Variants in SUSD6 observed in about 807,000 individuals in gnomAD.
SUSD6 encodes the protein sushi domain containing 6, also known as sushi domain-containing protein 6.
A neutral mutation model predicts 28.4 loss-of-function variants in SUSD6; 16 were observed. The ratio of observed to expected loss-of-function variants is 0.56; its 90% CI spans 0.38 to 0.86. SUSD6 has a LOEUF of 0.86. Among genes scored for constraint, SUSD6 ranks in the 40% least tolerant of loss-of-function variants. SUSD6 has a pLI of 0.00. For synonymous variants in SUSD6, 147 were observed against 159.6 expected, an observed-to-expected ratio of 0.92 and a Z score of 0.59; for missense variants, 341 against 384.2, an observed-to-expected ratio of 0.89 and a Z score of 0.94.
chr14:69,612,334 G>C (rs1473232253), intron 1 of SUSD6, among the ~76,000 whole-genome samples: 1 of 152,146 alleles, frequency 6.6e-6, no homozygotes, highest in Non-Finnish European at 1.5e-5. Context: ...TGTGCGCACC[G>C]CGGCATTCGG....
rs899185125 is a variant in SUSD6, at chr14:69,711,083, C to A, written c.*104C>A. 5 of 1,138,844 alleles carry A rather than the reference C, an allele frequency of 4.4e-6. No individual in the cohort carries two copies. The Admixed American group carries it at 8.6e-5, about 20-fold the overall frequency. The allele number at this position is 1,138,844 out of a possible 1,614,324, so 70.5% of individuals were successfully genotyped here. ...CTCTCCAGCCACCTTACCTGGATAC[C>A]TGAGCTGCCACCTGTGTATCTGTGT... On this transcript the variant is annotated 3_prime_UTR_variant, in exon 6 of 6. Coordinates refer to ENST00000342745, the MANE Select transcript of SUSD6 (RefSeq NM_014734.4).
intron 1 of SUSD6, among the ~76,000 whole-genome samples, chr14:69,646,700 C>CATT: frequency 9.2e-6 from 1 of 109,208 alleles, no homozygotes; most frequent in Non-Finnish European, 1.7e-5. Context: ...TTTTTTCCAT[C>CATT]TTTTTTTTTT....
chr14:69,627,831 G>T (rs1885137327), intron 1 of SUSD6, among the ~76,000 whole-genome samples: 2 of 152,118 alleles, frequency 1.3e-5, no homozygotes, highest in African/African-American at 4.8e-5. Flanking sequence ...CTTTTTACAT[G>T]TAAATGTGGG....
At chr14:69,691,821 C>G (rs1004187561) in intron 2 of SUSD6, among the ~76,000 whole-genome samples, 8 of 152,196 alleles carry the variant, frequency 5.3e-5, no homozygotes, top group African/African-American at 1.9e-4. Flanking sequence ...GGGTGGATTA[C>G]CTGAGGTCAG....
intron 2 of SUSD6, among the ~76,000 whole-genome samples, chr14:69,667,721 G>T (rs1483480018): frequency 6.6e-6 from 1 of 152,020 alleles, no homozygotes; most frequent in African/African-American, 2.4e-5. Flanking sequence ...GAAGTTAGCT[G>T]GAGCCCTTCA....
intron 4 of SUSD6, among the ~76,000 whole-genome samples, chr14:69,705,835 G>A (rs572859257): frequency 6.6e-6 from 1 of 152,368 alleles, no homozygotes; most frequent in South Asian, 2.1e-4. Flanking sequence ...GAAGGGCAGA[G>A]CTGATGGTGC....
intron 5 of SUSD6, among the ~76,000 whole-genome samples, chr14:69,709,561 A>G (rs982204494): frequency 6.6e-5 from 10 of 152,198 alleles, no homozygotes; most frequent in African/African-American, 2.4e-4. Flanking sequence ...TTCTTGCACT[A>G]TCTCAGTTAA....
At chr14:69,635,586 C>T (rs1013106416) in intron 1 of SUSD6, among the ~76,000 whole-genome samples, 4 of 144,252 alleles carry the variant, frequency 2.8e-5, no homozygotes, top group Admixed American at 7.1e-5. Context: ...CCACTCCACC[C>T]AAGGCACACC....
intron 2 of SUSD6, among the ~76,000 whole-genome samples, chr14:69,670,738 T>A (rs1196490503): frequency 1.3e-5 from 2 of 152,238 alleles, no homozygotes; most frequent in Non-Finnish European, 2.9e-5. Context: ...ATCATCATCG[T>A]TGTTAAAATG....
intron 2 of SUSD6, among the ~76,000 whole-genome samples, chr14:69,692,100 C>T (rs1381695013): frequency 1.3e-5 from 2 of 151,918 alleles, no homozygotes; most frequent in Non-Finnish European, 2.9e-5. Context: ...TATCTTCTCC[C>T]ACTTGCAACT....
At chr14:69,677,864 G>A (rs1418134305) in intron 2 of SUSD6, among the ~76,000 whole-genome samples, 10 of 152,274 alleles carry the variant, frequency 6.6e-5, no homozygotes, top group Non-Finnish European at 1.3e-4. Context: ...TACTATAGGC[G>A]AAAAGAATTA....
intron 1 of SUSD6, among the ~76,000 whole-genome samples, chr14:69,630,660 C>T (rs965748747): frequency 1.3e-5 from 2 of 151,636 alleles, no homozygotes; most frequent in African/African-American, 4.9e-5. Context: ...TGTTTGGACT[C>T]TTGAAGAACA....
At chr14:69,671,663 A>G (rs1254207758) in intron 2 of SUSD6, among the ~76,000 whole-genome samples, 1 of 152,184 alleles carries the variant, frequency 6.6e-6, no homozygotes, top group Non-Finnish European at 1.5e-5. Flanking sequence ...GATGTATTCC[A>G]GGATTTGTCC....
intron 2 of SUSD6, among the ~76,000 whole-genome samples, chr14:69,692,983 T>C (rs958321153): frequency 6.6e-6 from 1 of 152,128 alleles, no homozygotes; most frequent in Non-Finnish European, 1.5e-5. Flanking sequence ...TGACAATGGC[T>C]GATGAGGAAA....
chr14:69,664,093 C>G (rs1296999655), intron 2 of SUSD6, among the ~76,000 whole-genome samples: 3 of 152,014 alleles, frequency 2.0e-5, no homozygotes, highest in Non-Finnish European at 2.9e-5. Flanking sequence ...ATTCTTCTGC[C>G]TCAGTCTCCC....
chr14:69,650,346 T>C (rs1213623128), intron 1 of SUSD6, among the ~76,000 whole-genome samples: 1 of 152,122 alleles, frequency 6.6e-6, no homozygotes, highest in African/African-American at 2.4e-5. Flanking sequence ...AGCAACCCAA[T>C]GAGGTGGGTA....
intron 1 of SUSD6, among the ~76,000 whole-genome samples, chr14:69,638,739 G>A (rs1885302486): frequency 6.6e-6 from 1 of 152,156 alleles, no homozygotes; most frequent in Non-Finnish European, 1.5e-5. Flanking sequence ...TAGTAAGGCT[G>A]TGTCCTTCCT....
At chr14:69,623,705 A>T (rs555816972) in intron 1 of SUSD6, among the ~76,000 whole-genome samples, 5 of 152,338 alleles carry the variant, frequency 3.3e-5, no homozygotes, top group Admixed American at 3.3e-4. Flanking sequence ...GCTGAGATGG[A>T]AGATAGTGAT....
At position 69,650,422 on chromosome 14, in the gene SUSD6, G is replaced by A. The variant is rs539535170; in HGVS notation, c.-80-8091G>A. Among the ~76,000 whole-genome samples the A allele has an allele frequency of 2.6e-5, 4 of 152,208 alleles. No individual in the cohort carries two copies. The South Asian group carries it at 8.3e-4, about 32-fold the overall frequency. ...CCCAATTGCCCTAGACCACCCAATT[G>A]ATAGTATCTGCCATAATTTTTCCAT... is the stretch of plus-strand genomic sequence containing the variant. On this transcript the variant is annotated intron_variant, in intron 1 of 5. Coordinates refer to ENST00000342745, the MANE Select transcript of SUSD6 (RefSeq NM_014734.4).
Sources: allele counts gnomAD v4.1 joint callset (sites outside exome capture counted in the v4.1 genomes callset), GRCh38; gene constraint gnomAD v4.1.1; transcripts MANE v1.5; gene names NCBI Gene and HGNC (gene_info 2026-07-23, HGNC 2026-07-21).